The following CGNL1 variants were observed in gnomAD, a reference collection of about 807,000 sequenced individuals.
CGNL1 encodes cingulin-like protein 1.
CGNL1 carries 132 observed loss-of-function variants against 141.2 expected under a neutral mutation model. The ratio of observed to expected loss-of-function variants is 0.93; its 90% confidence interval spans 0.81 to 1.08. The LOEUF (loss-of-function observed/expected upper bound fraction) is 1.08, where lower values mean the gene tolerates loss of function less well. Among genes scored for constraint, CGNL1 ranks in the 50% least tolerant of loss-of-function variants. The pLI, the probability that CGNL1 is intolerant of heterozygous loss-of-function variation, is 0.00. For synonymous variants in CGNL1, 690 were observed against 622.1 expected (o/e 1.11, Z -1.63); for missense variants, 1,870 against 1,588.6 (o/e 1.18, Z -3.01).
intron 13 of CGNL1, among the ~76,000 whole-genome samples, chr15:57,529,358 C>A (rs1448133968): frequency 6.6e-6 from 1 of 152,132 alleles, no homozygotes; most frequent in African/African-American, 2.4e-5. Flanking sequence ...TCCAAGACAG[C>A]ATATCAGAAA....
chr15:57,518,817 C>A (rs11634745), intron 10 of CGNL1, among the ~76,000 whole-genome samples: 1 of 152,052 alleles, frequency 6.6e-6, no homozygotes, highest in South Asian at 2.1e-4. Context: ...AATGATCAGG[C>A]CCCAAATGTC....
At chr15:57,508,000 G>A (rs1387939515) in intron 8 of CGNL1, among the ~76,000 whole-genome samples, 1 of 152,128 alleles carries the variant, frequency 6.6e-6, no homozygotes, top group African/African-American at 2.4e-5. Context: ...AGCGGGATCT[G>A]GTCTAGAATT....
chr15:57,544,685 C>G (rs1425338892), intron 16 of CGNL1, 88 bp downstream of exon 16: 19 of 1,472,324 alleles, frequency 1.3e-5, no homozygotes, highest in Non-Finnish European at 1.7e-5. Context: ...GGGATCTGTC[C>G]TGATCCTCGT....
rs530139493 is a variant in CGNL1 at position 57,474,676 on chromosome 15, C to T, written c.2403+12784C>T. Among the ~76,000 whole-genome samples the T allele has an allele frequency of 5.9e-5, 9 of 152,264 alleles. No homozygotes were observed. In the South Asian group the frequency reaches 1.9e-3, roughly 32 times the overall value. Reference sequence around the variant, plus strand: ...TTATTTCCTCTCTTGTAAAGGGATACTATTTGTGTTATAAAAAACATACAT... The same window carrying T: ...TTATTTCCTCTCTTGTAAAGGGATATTATTTGTGTTATAAAAAACATACAT... On this transcript the variant is annotated intron_variant, in intron 8 of 18. Transcript: ENST00000281282.
intron 8 of CGNL1, among the ~76,000 whole-genome samples, chr15:57,506,219 G>A (rs971126285): frequency 1.3e-5 from 2 of 152,196 alleles, no homozygotes; most frequent in Non-Finnish European, 2.9e-5. Context: ...TCCTAGTGAC[G>A]CAGAGCGCTG....
intron 8 of CGNL1, among the ~76,000 whole-genome samples, chr15:57,481,743 T>C (rs1282635024): frequency 6.6e-6 from 1 of 152,192 alleles, no homozygotes; most frequent in African/African-American, 2.4e-5. Flanking sequence ...TCTAGGAGTG[T>C]GAATGTGATT....
chr15:57,400,843 G>A (rs981350394), intron 1 of CGNL1, among the ~76,000 whole-genome samples: 21 of 138,714 alleles, frequency 1.5e-4, no homozygotes, highest in Admixed American at 8.8e-4. Context: ...GGATTGCACC[G>A]TTGCACTCCA....
intron 1 of CGNL1, among the ~76,000 whole-genome samples, chr15:57,433,473 C>T (rs2063068962): frequency 6.6e-6 from 1 of 152,142 alleles, no homozygotes; most frequent in Non-Finnish European, 1.5e-5. Flanking sequence ...AGGGGTGATC[C>T]CCGGGCTGGC....
chr15:57,514,039 G>A (rs2030562646), intron 8 of CGNL1, among the ~76,000 whole-genome samples: 1 of 152,136 alleles, frequency 6.6e-6, no homozygotes, highest in Admixed American at 6.5e-5. Flanking sequence ...TAGTGGATGT[G>A]GAGTGGTATC....
At chr15:57,465,195 TG>T (rs1443603514) in intron 8 of CGNL1, among the ~76,000 whole-genome samples, 3 of 152,172 alleles carry the variant, frequency 2.0e-5, no homozygotes, top group Non-Finnish European at 4.4e-5. Flanking sequence ...ATGCTGTTTT[TG>T]GTTATATTAT....
intron 14 of CGNL1, among the ~76,000 whole-genome samples, chr15:57,533,082 G>C (rs145928229): frequency 6.6e-6 from 1 of 152,118 alleles, no homozygotes; most frequent in Admixed American, 6.6e-5. Flanking sequence ...CTGCTTTTCC[G>C]TATTCTTTTA....
chr15:57,497,086 G>A (rs1211284076), intron 8 of CGNL1, among the ~76,000 whole-genome samples: 1 of 152,200 alleles, frequency 6.6e-6, no homozygotes, highest in South Asian at 2.1e-4. Context: ...ACATCCTGCT[G>A]TGTTTGGCGG....
intron 14 of CGNL1, 143 bp from the exon 15 acceptor site, chr15:57,543,553 C>T: frequency 1.5e-6 from 1 of 685,324 alleles, no homozygotes. Context: ...ATCCCGTACC[C>T]CAGAGCAGAT....
chr15:57,422,389 C>T (rs2152284295), intron 1 of CGNL1, among the ~76,000 whole-genome samples: 1 of 152,194 alleles, frequency 6.6e-6, no homozygotes, highest in Non-Finnish European at 1.5e-5. Flanking sequence ...GAGAGATCTA[C>T]CCAGGAAAAT....
chr15:57,463,048 T>C (rs529423013), intron 8 of CGNL1, among the ~76,000 whole-genome samples: 1 of 152,344 alleles, frequency 6.6e-6, no homozygotes, highest in African/African-American at 2.4e-5. Context: ...GCCAATAGGC[T>C]ACTGAGTTAA....
At chr15:57,439,717 A>G in intron 2 of CGNL1, 116 bp downstream of exon 2, 3 of 1,010,944 alleles carry the variant, frequency 3.0e-6, no homozygotes, top group East Asian at 2.6e-5. Context: ...TGTATCAGGA[A>G]TCACACAGCT....
chr15:57,416,407 G>A (rs544554396), intron 1 of CGNL1, among the ~76,000 whole-genome samples: 1 of 151,988 alleles, frequency 6.6e-6, no homozygotes, highest in South Asian at 2.1e-4. Flanking sequence ...AAGTCGTCAG[G>A]AACATTCTCA....
chr15:57,378,564 G>A (rs1420396509), intron 1 of CGNL1, among the ~76,000 whole-genome samples: 1 of 151,550 alleles, frequency 6.6e-6, no homozygotes, highest in African/African-American at 2.4e-5. Context: ...TGTATTTTTA[G>A]TAGAGACAGG....
chr15:57,437,294 A>C (rs1005517123), intron 1 of CGNL1, among the ~76,000 whole-genome samples: 4 of 152,180 alleles, frequency 2.6e-5, no homozygotes, highest in African/African-American at 9.7e-5. Context: ...TTTTTTGCTA[A>C]GAAGAAAAGA....
Sources: allele counts gnomAD v4.1 joint callset (sites outside exome capture counted in the v4.1 genomes callset), GRCh38; gene constraint gnomAD v4.1.1; transcripts MANE v1.5; gene names NCBI Gene and HGNC (gene_info 2026-07-23, HGNC 2026-07-21).